SENP7: variants seen among roughly 807,000 people sequenced by gnomAD.
SENP7 encodes sentrin-specific protease 7.
A neutral mutation model predicts 141.2 loss-of-function variants in SENP7; 64 were observed. That is an observed-to-expected ratio of 0.45 (90% CI 0.37 to 0.56). The LOEUF (loss-of-function observed/expected upper bound fraction) is 0.56. Ranked by LOEUF, SENP7 falls within the 20% of genes least tolerant of loss-of-function variation. The pLI is 0.00. For synonymous variants in SENP7, 382 were observed against 426.4 expected, an observed-to-expected ratio of 0.90 and a Z score of 1.28; for missense variants, 1,025 against 1,212.2, an observed-to-expected ratio of 0.85 and a Z score of 2.29.
chr3:101,357,079 C>T (rs1330601626), intron 11 of SENP7, among the ~76,000 whole-genome samples: 1 of 152,026 alleles, frequency 6.6e-6, no homozygotes, highest in Non-Finnish European at 1.5e-5. Context: ...CGGCTCACTG[C>T]AACCTCCGCC....
At chr3:101,470,065 A>C (rs1576451423) in intron 3 of SENP7, among the ~76,000 whole-genome samples, 1 of 152,296 alleles carries the variant, frequency 6.6e-6, no homozygotes, top group East Asian at 1.9e-4. Flanking sequence ...TCTCTGGGAC[A>C]TATTTAAAGC....
At chr3:101,483,561 G>C (rs10048967) in intron 3 of SENP7, among the ~76,000 whole-genome samples, 60,371 of 152,000 alleles carry the variant, frequency 0.4, 12,513 homozygotes, top group Admixed American at 0.54. Context: ...CTAAACCTCA[G>C]CATCAAGCAG....
At chr3:101,401,661 A>G (rs1023056846) in intron 5 of SENP7, among the ~76,000 whole-genome samples, 1 of 152,226 alleles carries the variant, frequency 6.6e-6, no homozygotes, top group Non-Finnish European at 1.5e-5. Context: ...AATCAGCCAC[A>G]GCATTCCCTT....
intron 19 of SENP7, among the ~76,000 whole-genome samples, chr3:101,330,859 T>C (rs1367260210): frequency 6.6e-6 from 1 of 152,212 alleles, no homozygotes; most frequent in Non-Finnish European, 1.5e-5. Context: ...TGCTAATGGC[T>C]ATTTTTCAAT....
intron 20 of SENP7, among the ~76,000 whole-genome samples, chr3:101,329,608 T>C (rs1008098616): frequency 6.6e-6 from 1 of 151,952 alleles, no homozygotes; most frequent in Admixed American, 6.6e-5. Flanking sequence ...AGGAGTTACA[T>C]GGATTCACTT....
At position 101,361,735 on chromosome 3, in the gene SENP7, C is replaced by A; in HGVS notation, c.1603G>T (p.Ala535Ser). Residue 535 changes from alanine to serine, a missense_variant, in exon 11 of 24, where the codon GCT becomes TCT. By Grantham distance (99) the Ala-to-Ser change is moderately conservative. This residue lies in a region of SENP7 where 228 missense variants were observed against 228.5 expected (regional missense o/e 1.00). Coordinates refer to ENST00000394095, the MANE Select transcript of SENP7 (RefSeq NM_020654.5). ...TSVYIGKIKG[A>S]SKGCVTITKK... is the part of the protein sequence containing the mutation. Reference sequence around the variant, plus strand: ...CTTACTGTAACACAACCTTTAGAAGCTCCTTTTATTTTACCAATATAAACA... The same window carrying A: ...CTTACTGTAACACAACCTTTAGAAGATCCTTTTATTTTACCAATATAAACA... 1 of 1,576,964 alleles carries A rather than the reference C, an allele frequency of 6.3e-7. No homozygotes were observed. The highest frequency in any genetic ancestry group is 8.6e-7 in the Non-Finnish European group (1 of 1,166,872).
intron 3 of SENP7, among the ~76,000 whole-genome samples, chr3:101,459,715 A>G (rs959000571): frequency 6.6e-6 from 1 of 152,216 alleles, no homozygotes; most frequent in Non-Finnish European, 1.5e-5. Flanking sequence ...TAAATTTACA[A>G]GACTGTCTTC....
chr3:101,469,425 T>A (rs2063890726), intron 3 of SENP7, among the ~76,000 whole-genome samples: 2 of 152,214 alleles, frequency 1.3e-5, no homozygotes, highest in South Asian at 4.1e-4. Flanking sequence ...TACAGAACTT[T>A]CCACCCCAAA....
At chr3:101,463,402 T>TATATATACAC (rs1553744838) in intron 3 of SENP7, among the ~76,000 whole-genome samples, 260 of 101,138 alleles carry the variant, frequency 2.6e-3, no homozygotes, top group African/African-American at 9.2e-3. Context: ...TATATACATA[T>TATATATACAC]ATATATATAT....
chr3:101,349,291 T>A (rs1243702513), intron 12 of SENP7, among the ~76,000 whole-genome samples: 1 of 152,198 alleles, frequency 6.6e-6, no homozygotes, highest in Non-Finnish European at 1.5e-5. Flanking sequence ...AGAATGCTAC[T>A]CAGCATTTCT....
intron 6 of SENP7, among the ~76,000 whole-genome samples, chr3:101,391,310 A>T (rs112020719): frequency 0.011 from 1,688 of 150,230 alleles, 30 homozygotes; most frequent in African/African-American, 0.039. Context: ...TTGTTTTTTA[A>T]AGACAAACAA....
At chr3:101,330,027 C>G (rs76608186) in intron 20 of SENP7, among the ~76,000 whole-genome samples, 5 of 150,926 alleles carry the variant, frequency 3.3e-5, no homozygotes, top group Non-Finnish European at 5.9e-5. Flanking sequence ...GATTAATTAC[C>G]TAAGTTCAAA....
At chr3:101,475,252 A>G (rs4683921) in intron 3 of SENP7, among the ~76,000 whole-genome samples, 4 of 152,002 alleles carry the variant, frequency 2.6e-5, no homozygotes, top group Admixed American at 6.6e-5. Flanking sequence ...ATACATGCAC[A>G]CATATGTTCA....
intron 4 of SENP7, among the ~76,000 whole-genome samples, chr3:101,418,327 A>C (rs1236305366): frequency 1.3e-5 from 2 of 152,148 alleles, no homozygotes; most frequent in Admixed American, 1.3e-4. Flanking sequence ...ATTTCAAAAA[A>C]AAAAAAAGAC....
At chr3:101,364,810 T>C in intron 10 of SENP7, 24 bp downstream of exon 10, 1 of 1,483,488 alleles carries the variant, frequency 6.7e-7, no homozygotes, top group Non-Finnish European at 9.2e-7. Flanking sequence ...ATTGTTAATC[T>C]ATGAGAAGAC....
chr3:101,382,369 A>C lies in SENP7; in HGVS notation c.678-10243T>G, dbSNP rs544831332. 2.6e-5 allele frequency among the ~76,000 whole-genome samples: 4 copies of C among 152,192 alleles called. No individual in the cohort carries two copies. In the South Asian group the frequency reaches 8.3e-4, roughly 32 times the overall value. On this transcript the variant is annotated intron_variant, in intron 6 of 23. Coordinates refer to ENST00000394095, the MANE Select transcript of SENP7 (RefSeq NM_020654.5). ...TTCTTTTTTTAAAAGTTTTTTGTAG[A>C]GACAGGGTCTTGCTATGCTTCCCAG...
chr3:101,433,168 A>T (rs2062247864), intron 4 of SENP7, among the ~76,000 whole-genome samples: 1 of 152,164 alleles, frequency 6.6e-6, no homozygotes, highest in Non-Finnish European at 1.5e-5. Flanking sequence ...CTTGTTGTTT[A>T]TGCAAATAGT....
chr3:101,324,572 T>C lies in SENP7; in HGVS notation c.*1371A>G, dbSNP rs2058854743. ...ATATGAAATATCCAAACAACAAATA[T>C]ATTTAATAATATAAAGATAGTGCCA... On this transcript the variant is annotated 3_prime_UTR_variant, in exon 24 of 24. Transcript: ENST00000394095. The C allele has an allele frequency of 6.6e-6, 1 of 151,954 alleles. No individual in the cohort carries two copies. Among genetic ancestry groups the C allele is most frequent in the Non-Finnish European group, 1.5e-5 (1 of 67,940 alleles). 9.4% of individuals were successfully genotyped at this position (151,954 alleles called of 1,614,324 possible). A position where few individuals can be genotyped will look rare whatever the true frequency, so the allele number is the denominator to read the frequency against.
chr3:101,357,849 T>C (rs2059784716), intron 11 of SENP7: 2 of 564,002 alleles, frequency 3.5e-6, no homozygotes, highest in East Asian at 4.1e-5. Context: ...ACGCTACAGA[T>C]GTGAAGAATC....
Sources: gnomAD v4.1 joint callset for allele counts (sites outside exome capture counted in the v4.1 genomes callset) on GRCh38, gnomAD v4.1.1 for gene constraint, gnomAD v4.1.1 regional missense constraint, MANE v1.5 for transcripts, NCBI Gene and HGNC (gene_info 2026-07-23, HGNC 2026-07-21) for gene names.